Variants in CHCHD6 observed in about 807,000 individuals in gnomAD.
CHCHD6 encodes the protein MICOS complex subunit MIC25.
A neutral mutation model predicts 32.3 loss-of-function variants in CHCHD6; 28 were observed. The ratio of observed to expected loss-of-function variants is 0.87; its 90% confidence interval spans 0.64 to 1.19. CHCHD6 has a LOEUF of 1.19. Ranked by LOEUF, CHCHD6 falls within the 50% of genes most tolerant of loss-of-function variation. CHCHD6 has a pLI of 0.00. For synonymous variants in CHCHD6, 122 were observed against 117.5 expected (o/e 1.04, Z -0.25); for missense variants, 333 against 307.0 (o/e 1.08, Z -0.63).
intron 5 of CHCHD6, among the ~76,000 whole-genome samples, chr3:126,899,710 A>G (rs1336288433): frequency 1.3e-5 from 2 of 152,196 alleles, no homozygotes; most frequent in Non-Finnish European, 2.9e-5. Flanking sequence ...CCTGGTCTTG[A>G]GAGTGCCCTT....
intron 6 of CHCHD6, among the ~76,000 whole-genome samples, chr3:126,927,587 C>T (rs918683481): frequency 5.3e-5 from 8 of 152,178 alleles, no homozygotes; most frequent in African/African-American, 1.7e-4. Flanking sequence ...CCCCTCCCCT[C>T]GACTGAAATG....
intron 4 of CHCHD6, among the ~76,000 whole-genome samples, chr3:126,822,117 C>T (rs994807117): frequency 2.6e-5 from 4 of 152,126 alleles, no homozygotes; most frequent in African/African-American, 7.2e-5. Context: ...TTGTAAAACA[C>T]GTATCTATAA....
intron 6 of CHCHD6, among the ~76,000 whole-genome samples, chr3:126,921,388 C>T (rs896196546): frequency 5.3e-5 from 8 of 152,152 alleles, no homozygotes; most frequent in Admixed American, 3.3e-4. Flanking sequence ...TGTACACCCC[C>T]GCCCACCCAC....
At chr3:126,742,043 A>G (rs2107663791) in intron 4 of CHCHD6, among the ~76,000 whole-genome samples, 1 of 152,318 alleles carries the variant, frequency 6.6e-6, no homozygotes, top group East Asian at 1.9e-4. Flanking sequence ...AGAGAAGAGA[A>G]TCTGCTGTCT....
intron 5 of CHCHD6, among the ~76,000 whole-genome samples, chr3:126,907,836 T>C (rs1363786857): frequency 2.0e-5 from 3 of 152,202 alleles, no homozygotes; most frequent in African/African-American, 7.2e-5. Flanking sequence ...CGTGGAACCA[T>C]GTGCTGGCAT....
chr3:126,800,294 A>G (rs1576430959), intron 4 of CHCHD6, among the ~76,000 whole-genome samples: 1 of 152,188 alleles, frequency 6.6e-6, no homozygotes, highest in African/African-American at 2.4e-5. Flanking sequence ...CCCCAAGCCC[A>G]ATTAAAAGGA....
At chr3:126,952,491 A>AG (rs376784165) in intron 6 of CHCHD6, among the ~76,000 whole-genome samples, 20 of 152,272 alleles carry the variant, frequency 1.3e-4, no homozygotes, top group African/African-American at 4.3e-4. Context: ...GCTCGCACAC[A>AG]GGCAGAGGCC....
intron 4 of CHCHD6, among the ~76,000 whole-genome samples, chr3:126,758,341 A>G (rs1224440339): frequency 6.6e-6 from 1 of 152,200 alleles, no homozygotes; most frequent in Non-Finnish European, 1.5e-5. Flanking sequence ...ACTTGTCTGT[A>G]TGTTTAATTA....
At chr3:126,855,617 T>C (rs1941638252) in intron 5 of CHCHD6, among the ~76,000 whole-genome samples, 1 of 152,188 alleles carries the variant, frequency 6.6e-6, no homozygotes, top group African/African-American at 2.4e-5. Flanking sequence ...GGGGAAGCCT[T>C]CTCTCTGGGC....
chr3:126,931,712 T>C (rs1472735548), intron 6 of CHCHD6, among the ~76,000 whole-genome samples: 1 of 152,156 alleles, frequency 6.6e-6, no homozygotes, highest in Non-Finnish European at 1.5e-5. Flanking sequence ...CTTTCTAAGC[T>C]CCCCTTCTTA....
chr3:126,945,026 T>C (rs575324163), intron 6 of CHCHD6, among the ~76,000 whole-genome samples: 76 of 152,308 alleles, frequency 5.0e-4, no homozygotes, highest in Admixed American at 2.6e-3. Context: ...AGTAAATAGT[T>C]GTCCCTTGAA....
intron 4 of CHCHD6, among the ~76,000 whole-genome samples, chr3:126,758,973 C>G (rs142383298): frequency 6.6e-6 from 1 of 152,198 alleles, no homozygotes; most frequent in Non-Finnish European, 1.5e-5. Context: ...TGCTTTGGAT[C>G]GCATCTGTGG....
chr3:126,765,156 G>T (rs1457920433), intron 4 of CHCHD6, among the ~76,000 whole-genome samples: 1 of 152,178 alleles, frequency 6.6e-6, no homozygotes. Flanking sequence ...AACTTGAAGA[G>T]ACCAATATTT....
At chr3:126,874,766 A>ATTTC (rs951144253) in intron 5 of CHCHD6, among the ~76,000 whole-genome samples, 2 of 151,918 alleles carry the variant, frequency 1.3e-5, no homozygotes, top group Non-Finnish European at 2.9e-5. Context: ...ATAAGTCCAT[A>ATTTC]TTTCTCATTA....
intron 4 of CHCHD6, among the ~76,000 whole-genome samples, chr3:126,846,787 T>G (rs1167047060): frequency 2.0e-5 from 3 of 152,220 alleles, no homozygotes; most frequent in Non-Finnish European, 4.4e-5. Flanking sequence ...TTCCAGTATT[T>G]TATCTCTATA....
chr3:126,729,746 C>T (rs191710191), intron 2 of CHCHD6, among the ~76,000 whole-genome samples: 1 of 152,236 alleles, frequency 6.6e-6, no homozygotes, highest in East Asian at 1.9e-4. Flanking sequence ...AGTCGCACAC[C>T]CTCATTGAGC....
intron 4 of CHCHD6, among the ~76,000 whole-genome samples, chr3:126,796,109 C>A (rs1938779207): frequency 2.0e-5 from 3 of 152,086 alleles, no homozygotes; most frequent in South Asian, 4.1e-4. Context: ...CTTTGGGAGG[C>A]TGAGGAGGGA....
At chr3:126,848,397 C>A (rs1354985449) in intron 4 of CHCHD6, among the ~76,000 whole-genome samples, 3 of 152,108 alleles carry the variant, frequency 2.0e-5, no homozygotes, top group Non-Finnish European at 4.4e-5. Flanking sequence ...TAGCCTGTTT[C>A]AGGTTCATAA....
chr3:126,767,140 G>A (rs1937406067), intron 4 of CHCHD6: 3 of 1,575,048 alleles, frequency 1.9e-6, no homozygotes, highest in Non-Finnish European at 2.6e-6. Flanking sequence ...CATATTCATG[G>A]CACCCAAAGG....
Sources: allele counts gnomAD v4.1 joint callset (sites outside exome capture counted in the v4.1 genomes callset), GRCh38; gene constraint gnomAD v4.1.1; transcripts MANE v1.5; gene names NCBI Gene and HGNC (gene_info 2026-07-23, HGNC 2026-07-21).